The following CDK15 variants were observed in gnomAD, a reference collection of about 807,000 sequenced individuals.
CDK15 encodes cyclin-dependent kinase 15.
Under a neutral mutation model 60.3 loss-of-function variants are expected in CDK15, and 62 were observed. The ratio of observed to expected loss-of-function variants is 1.03; its 90% CI spans 0.84 to 1.27. The LOEUF (loss-of-function observed/expected upper bound fraction) is 1.27, where lower values mean the gene tolerates loss of function less well. CDK15 is among the 50% of genes most tolerant of loss of function. The pLI is 0.00. For synonymous variants in CDK15, 194 were observed against 195.7 expected, an observed-to-expected ratio of 0.99 and a Z score of 0.07; for missense variants, 541 against 527.8, an observed-to-expected ratio of 1.03 and a Z score of -0.25.
chr2:201,836,999 G>A (rs1286802451), intron 8 of CDK15, among the ~76,000 whole-genome samples: 1 of 151,916 alleles, frequency 6.6e-6, no homozygotes, highest in Non-Finnish European at 1.5e-5. Context: ...ACAAATATAA[G>A]AACCAAATAG....
At chr2:201,838,772 C>T (rs771417657) in intron 8 of CDK15, among the ~76,000 whole-genome samples, 27 of 152,106 alleles carry the variant, frequency 1.8e-4, no homozygotes, top group African/African-American at 6.0e-4. Flanking sequence ...GAACATAATC[C>T]GTACTGTCCT....
intron 9 of CDK15, among the ~76,000 whole-genome samples, chr2:201,849,077 T>A (rs562701841): frequency 6.6e-6 from 1 of 152,344 alleles, no homozygotes; most frequent in East Asian, 1.9e-4. Context: ...GACCTGGGTT[T>A]GAATTCTAAC....
rs572996241 is a variant in CDK15, at chr2:201,818,043, T to C, written c.449-4766T>C. 2.2e-4 allele frequency among the ~76,000 whole-genome samples: 34 copies of C among 152,350 alleles called. No individual in the cohort carries two copies. The South Asian group carries it at 7.0e-3, about 32-fold the overall frequency. On this transcript the variant is annotated intron_variant, in intron 4 of 13. Coordinates refer to ENST00000652192, the MANE Select transcript of CDK15 (RefSeq NM_001366386.2). ...AAACACTTTTTTATTCAATGTCCAA[T>C]GAGGGTTGGGGAGGACTCCATCATT...
intron 10 of CDK15, among the ~76,000 whole-genome samples, chr2:201,870,521 CAAAA>C (rs57674133): frequency 7.4e-6 from 1 of 134,340 alleles, no homozygotes; most frequent in African/African-American, 2.8e-5. Flanking sequence ...CCAGCCTGGA[CAAAA>C]AAAAAAAAGC....
At chr2:201,884,738 T>C (rs1191349475) in intron 12 of CDK15, among the ~76,000 whole-genome samples, 1 of 152,220 alleles carries the variant, frequency 6.6e-6, no homozygotes, top group Non-Finnish European at 1.5e-5. Flanking sequence ...TCTCTGAGAA[T>C]ATGGAGGCAG....
intron 8 of CDK15, among the ~76,000 whole-genome samples, chr2:201,843,485 A>C (rs1697495150): frequency 6.6e-6 from 1 of 152,108 alleles, no homozygotes; most frequent in Admixed American, 6.5e-5. Flanking sequence ...CAGATCTGTC[A>C]CCTTTCAAAC....
intron 4 of CDK15, among the ~76,000 whole-genome samples, chr2:201,815,655 C>G (rs550762961): frequency 3.3e-4 from 50 of 152,264 alleles, no homozygotes; most frequent in Middle Eastern, 3.4e-3. Flanking sequence ...AACTTTATAG[C>G]AATATCTTAA....
At position 201,888,436 on chromosome 2, in the gene CDK15, G is replaced by A. The variant is rs192612374; in HGVS notation, c.1199-2349G>A. On this transcript the variant is annotated intron_variant, in intron 12 of 13. Transcript: ENST00000652192. ...CTTCTCAAAAAATTTTTAAACACCC[G>A]CTTTCATATTTATTTATTCTAAGAG... 5.9e-3 allele frequency: 9,067 copies of A among 1,532,692 alleles called. 27 individuals are homozygous for A. Among genetic ancestry groups the A allele is most frequent in the Non-Finnish European group, 7.1e-3 (8,080 of 1,146,000 alleles). The allele number at this position is 1,532,692 out of a possible 1,614,324, so 94.9% of individuals were successfully genotyped here. A position where few individuals can be genotyped will look rare whatever the true frequency, so the allele number is the denominator to read the frequency against.
intron 12 of CDK15, chr2:201,888,562 G>A (rs1171382024): frequency 1.3e-4 from 189 of 1,467,440 alleles, no homozygotes; most frequent in Middle Eastern, 1.8e-4. Flanking sequence ...GGAGAGCCGC[G>A]CTGCAGCTTT....
At chr2:201,889,339 T>C (rs1559153644) in intron 12 of CDK15, 1 of 985,140 alleles carries the variant, frequency 1.0e-6, no homozygotes, top group Non-Finnish European at 1.2e-6. Context: ...ATTTTGCGGA[T>C]GTGCTTTGGT....
At chr2:201,881,401 G>C (rs1278664143) in intron 12 of CDK15, among the ~76,000 whole-genome samples, 2 of 152,174 alleles carry the variant, frequency 1.3e-5, no homozygotes, top group Admixed American at 6.5e-5. Context: ...CATATTGAGT[G>C]CTATAAAAAG....
intron 10 of CDK15, among the ~76,000 whole-genome samples, chr2:201,867,394 G>C (rs545546655): frequency 1.3e-5 from 2 of 152,160 alleles, no homozygotes; most frequent in Non-Finnish European, 2.9e-5. Flanking sequence ...GGAGGCTGGG[G>C]CTGGAGGATT....
At chr2:201,820,135 A>C (rs1046951702) in intron 4 of CDK15, among the ~76,000 whole-genome samples, 1 of 152,188 alleles carries the variant, frequency 6.6e-6, no homozygotes, top group Non-Finnish European at 1.5e-5. Context: ...ATTCTTAGCA[A>C]TTTCAGCTTT....
At chr2:201,824,679 T>C in intron 6 of CDK15, 1 of 363,518 alleles carries the variant, frequency 2.8e-6, no homozygotes, top group Non-Finnish European at 5.0e-6. Context: ...TTAATAGTTC[T>C]AATGGAATGG....
chr2:201,833,997 TG>T (rs1466717507), intron 7 of CDK15, 26 bp downstream of exon 7: 1 of 1,610,618 alleles, frequency 6.2e-7, no homozygotes, highest in Non-Finnish European at 8.5e-7. Flanking sequence ...GGTCTCATTC[TG>T]GGCTGTGAAC....
rs137976815 is a variant in CDK15, at chr2:201,874,419, A to G, written c.1058+2093A>G. Reference sequence around the variant, plus strand: ...CTATGTACCTAGCAGGGTGCTACATATATTATTATATTTAATCCTTACAAA... The same window carrying G: ...CTATGTACCTAGCAGGGTGCTACATGTATTATTATATTTAATCCTTACAAA... On this transcript the variant is annotated intron_variant, in intron 11 of 13. Transcript: ENST00000652192. Among the ~76,000 whole-genome samples the G allele has an allele frequency of 5.5e-3, 833 of 152,318 alleles. 11 individuals are homozygous for G. Among genetic ancestry groups the G allele is most frequent in the African/African-American group, 0.019 (771 of 41,566 alleles).
intron 6 of CDK15, among the ~76,000 whole-genome samples, chr2:201,828,440 G>GA (rs536201599): frequency 4.7e-5 from 7 of 150,334 alleles, no homozygotes; most frequent in South Asian, 4.2e-4. Flanking sequence ...TAGAGCATCT[G>GA]AAAAAAAAAT....
chr2:201,864,525 G>A lies in CDK15; in HGVS notation c.1010-7753G>A, dbSNP rs190026509. ...TAGAGACGGGGGTTTCACCATGTTG[G>A]TCAGGCTGGTCTCTAACTCCTGACC... On this transcript the variant is annotated intron_variant, in intron 10 of 13. Transcript: ENST00000652192. Among the ~76,000 whole-genome samples, 1,068 of 152,232 alleles carry A rather than the reference G, an allele frequency of 7.0e-3. 17 individuals are homozygous for A. Among genetic ancestry groups the A allele is most frequent in the African/African-American group, 0.024 (1,016 of 41,528 alleles).
chr2:201,878,249 T>C (rs2105828683), intron 11 of CDK15, among the ~76,000 whole-genome samples: 1 of 152,290 alleles, frequency 6.6e-6, no homozygotes, highest in East Asian at 1.9e-4. Flanking sequence ...CTTTCAAGCA[T>C]TGTAAGTAAA....
Sources: gnomAD v4.1 joint callset for allele counts (sites outside exome capture counted in the v4.1 genomes callset) on GRCh38, gnomAD v4.1.1 for gene constraint, MANE v1.5 for transcripts, NCBI Gene and HGNC (gene_info 2026-07-23, HGNC 2026-07-21) for gene names.